Variants in USP14 observed in about 807,000 individuals in gnomAD.
The protein encoded by USP14 is ubiquitin carboxyl-terminal hydrolase 14.
A neutral mutation model predicts 76.5 loss-of-function variants in USP14; 38 were observed. The ratio of observed to expected loss-of-function variants is 0.50; its 90% CI spans 0.38 to 0.65. The LOEUF is 0.65. USP14 is among the 30% of genes least tolerant of loss of function. The pLI is 0.00. For missense variants in USP14, 467 were observed against 586.5 expected, an observed-to-expected ratio of 0.80 and a Z score of 2.10; for synonymous variants, 192 against 191.7, an observed-to-expected ratio of 1.00 and a Z score of -0.01.
At chr18:199,103 A>G in intron 9 of USP14, 99 bp from the exon 10 acceptor site, 1 of 711,210 alleles carries the variant, frequency 1.4e-6, no homozygotes, top group Non-Finnish European at 2.3e-6. Flanking sequence ...CCAATGAATG[A>G]TACTATTAAT....
chr18:193,562 A>G (rs538380867), intron 6 of USP14, among the ~76,000 whole-genome samples: 1 of 152,312 alleles, frequency 6.6e-6, no homozygotes, highest in South Asian at 2.1e-4. Flanking sequence ...TATCATTCCA[A>G]AAAGCAACTT....
At chr18:185,517 A>G (rs1433831075) in intron 5 of USP14, among the ~76,000 whole-genome samples, 3 of 152,068 alleles carry the variant, frequency 2.0e-5, no homozygotes, top group African/African-American at 7.2e-5. Context: ...ATATTATGAG[A>G]GGCATGCAAG....
chr18:165,216 G>A (rs1427669531), intron 2 of USP14, among the ~76,000 whole-genome samples: 1 of 152,114 alleles, frequency 6.6e-6, no homozygotes, highest in Non-Finnish European at 1.5e-5. Flanking sequence ...CAAAGTGCTG[G>A]GATTACAGGC....
At position 203,250 on chromosome 18, in the gene USP14, C is replaced by A. The variant is rs1285876254; in HGVS notation, c.1035+60C>A. 8.3e-6 allele frequency: 12 copies of A among 1,445,296 alleles called. No individual in the cohort carries two copies. In the Admixed American group the frequency reaches 2.0e-4, roughly 25 times the overall value. 89.5% of individuals were successfully genotyped at this position (1,445,296 alleles called of 1,614,324 possible). A position where few individuals can be genotyped will look rare whatever the true frequency, so the allele number is the denominator to read the frequency against. On this transcript the variant is annotated intron_variant, in intron 12 of 15. Transcript: ENST00000261601. ...AATTCTTTGAAGGTAATTGCTAACTCACAATTGCTTTCATTATTCCTTTAG... is the reference window on the plus strand; with the variant it reads ...AATTCTTTGAAGGTAATTGCTAACTAACAATTGCTTTCATTATTCCTTTAG...
chr18:161,648 C>T (rs1909122124), intron 1 of USP14, among the ~76,000 whole-genome samples: 1 of 152,090 alleles, frequency 6.6e-6, no homozygotes, highest in Non-Finnish European at 1.5e-5. Flanking sequence ...AATGAATACT[C>T]AACATATTAA....
intron 6 of USP14, 76 bp from the exon 7 acceptor site, chr18:196,557 TATTA>T (rs1829281967): frequency 2.0e-6 from 3 of 1,469,320 alleles, no homozygotes; most frequent in Admixed American, 2.3e-5. Context: ...TTTTTGTTTG[TATTA>T]ATTAAAATTA....
At chr18:173,575 C>G (rs545346509) in intron 3 of USP14, among the ~76,000 whole-genome samples, 26 of 152,176 alleles carry the variant, frequency 1.7e-4, no homozygotes, top group Non-Finnish European at 2.4e-4. Flanking sequence ...CCACACCCAG[C>G]TAATTGTTTG....
intron 10 of USP14, 68 bp from the exon 11 acceptor site, chr18:202,812 G>A: frequency 1.3e-6 from 2 of 1,509,150 alleles, no homozygotes; most frequent in African/African-American, 2.8e-5. Context: ...GCTTACTGGT[G>A]TGATTCTATA....
intron 3 of USP14, among the ~76,000 whole-genome samples, chr18:169,360 CAAAAAAAA>C (rs11336218): frequency 1.3e-5 from 1 of 79,386 alleles, no homozygotes; most frequent in Non-Finnish European, 2.4e-5. Context: ...GACTCTACCT[CAAAAAAAA>C]AAAAAAAAAA....
intron 13 of USP14, among the ~76,000 whole-genome samples, chr18:205,995 C>A (rs1910519336): frequency 2.0e-5 from 3 of 152,152 alleles, no homozygotes; most frequent in Admixed American, 6.5e-5. Flanking sequence ...TAGTGTTTGT[C>A]TGTGATGAAT....
At chr18:176,110 C>T (rs1471605846) in intron 3 of USP14, among the ~76,000 whole-genome samples, 15 of 151,626 alleles carry the variant, frequency 9.9e-5, no homozygotes, top group Admixed American at 5.3e-4. Flanking sequence ...TTGTCTGTTT[C>T]CTCTATCATC....
At chr18:192,956 T>C (rs906947518) in intron 6 of USP14, 56 bp downstream of exon 6, 47 of 1,464,032 alleles carry the variant, frequency 3.2e-5, no homozygotes, top group Non-Finnish European at 3.7e-5. Flanking sequence ...TATTTTTCGC[T>C]CACAATCCTT....
chr18:211,228 GT>G lies in USP14; in HGVS notation c.1431del (p.Leu478TyrfsTer10). 6.2e-7 allele frequency: 1 copy of G among 1,614,072 alleles called. No homozygotes were observed. The highest frequency in any genetic ancestry group is 8.5e-7 in the Non-Finnish European group (1 of 1,179,952). On this transcript the variant is annotated frameshift_variant, in exon 16 of 16. Coordinates refer to ENST00000261601, the MANE Select transcript of USP14 (RefSeq NM_005151.4). LOFTEE classifies it high-confidence loss of function. ...SGGGDWHIAY[V>X]LLYGPRRVEI... ...TGGTGGAGACTGGCATATCGCTTAC[GT>G]TCTACTCTATGGGCCTCGCAGAGTT...
chr18:182,896 T>G (rs567660848), intron 5 of USP14, among the ~76,000 whole-genome samples: 2 of 152,176 alleles, frequency 1.3e-5, no homozygotes, highest in African/African-American at 2.4e-5. Flanking sequence ...GATGGGAGAT[T>G]AGCAGGGGCC....
At chr18:166,702 G>A in intron 2 of USP14, 85 bp from the exon 3 acceptor site, 1 of 1,413,772 alleles carries the variant, frequency 7.1e-7, no homozygotes, top group Non-Finnish European at 9.7e-7. Context: ...ATTCTGTTTT[G>A]AAGTACATTA....
In USP14 at chr18:163,303, T is replaced by G. The variant is rs1909175494; in HGVS notation, c.17-5T>G. Reference sequence around the variant, plus strand: ...TAATTAAAAAAATTGTGATTTTGTTTGCAGTTACTGTAAAATGGGGAAAGG... The same window carrying G: ...TAATTAAAAAAATTGTGATTTTGTTGGCAGTTACTGTAAAATGGGGAAAGG... On this transcript the variant is annotated splice_polypyrimidine_tract_variant and splice_region_variant and intron_variant, in intron 1 of 15. Transcript: ENST00000261601. 2 of 1,601,376 alleles carry G rather than the reference T, an allele frequency of 1.2e-6. No homozygotes were observed. Among genetic ancestry groups the G allele is most frequent in the Admixed American group, 3.5e-5 (2 of 57,914 alleles).
chr18:204,439 TGATTTTCACA>T (rs1358993335), intron 12 of USP14, 115 bp from the exon 13 acceptor site: 2 of 909,036 alleles, frequency 2.2e-6, no homozygotes, highest in African/African-American at 3.5e-5. Flanking sequence ...GATTTCCAAG[TGATTTTCACA>T]GATTTTATTT....
intron 13 of USP14, among the ~76,000 whole-genome samples, chr18:207,246 G>A (rs1322660838): frequency 6.9e-6 from 1 of 144,930 alleles, no homozygotes; most frequent in Non-Finnish European, 1.6e-5. Flanking sequence ...AAATTGTGAA[G>A]TATCAGCCTT....
At chr18:181,845 A>G (rs567702457) in intron 5 of USP14, among the ~76,000 whole-genome samples, 1 of 152,178 alleles carries the variant, frequency 6.6e-6, no homozygotes, top group Admixed American at 6.5e-5. Context: ...GTTTTTCAAG[A>G]GTTAATATAC....
Sources: gnomAD v4.1 joint callset for allele counts (sites outside exome capture counted in the v4.1 genomes callset) on GRCh38, gnomAD v4.1.1 for gene constraint, MANE v1.5 for transcripts, NCBI Gene and HGNC (gene_info 2026-07-23, HGNC 2026-07-21) for gene names.